The following TET3 variants were observed in gnomAD, a reference collection of about 807,000 sequenced individuals.
The protein encoded by TET3 is methylcytosine dioxygenase TET3.
In TET3, 19 loss-of-function variants were observed where a neutral mutation model predicts 141.4. The ratio of observed to expected loss-of-function variants is 0.13; its 90% CI spans 0.09 to 0.20. TET3 has a LOEUF of 0.20. TET3 is among the 10% of genes least tolerant of loss of function. The pLI is 1.00. For missense variants in TET3, 1,874 were observed against 2,356.9 expected (o/e 0.80, Z 4.24); for synonymous variants, 1,043 against 980.9 (o/e 1.06, Z -1.18).
Position 74,104,739 on chromosome 2 carries a change from A to C in TET3, c.*2563A>C, listed in dbSNP as rs1363306665. 1 of 156,336 alleles carries C rather than the reference A, an allele frequency of 6.4e-6. No homozygotes were observed. Among genetic ancestry groups the C allele is most frequent in the Non-Finnish European group, 1.4e-5 (1 of 71,052 alleles). The allele number at this position is 156,336 out of a possible 1,614,324, so 9.7% of individuals were successfully genotyped here. On this transcript the variant is annotated 3_prime_UTR_variant, in exon 12 of 12. Coordinates refer to ENST00000409262, the MANE Select transcript of TET3 (RefSeq NM_001287491.2). ...CTCATCACCCTTTGGTAGGAAAGCC[A>C]TTAGATGAAAGGAGAAACCAATACA...
At chr2:74,011,665 C>G (rs1021771771) in intron 3 of TET3, among the ~76,000 whole-genome samples, 1 of 152,074 alleles carries the variant, frequency 6.6e-6, no homozygotes, top group African/African-American at 2.4e-5. Context: ...TCGGTGAATC[C>G]AAAAATCCAT....
At position 74,076,787 on chromosome 2, in the gene TET3, A is replaced by G. The variant is rs564319622; in HGVS notation, c.2585+3148A>G. Among the ~76,000 whole-genome samples the G allele has an allele frequency of 2.2e-3, 333 of 152,224 alleles. 1 individual carries two copies. The highest frequency in any genetic ancestry group is 7.5e-3 in the African/African-American group (310 of 41,532). The stretch of plus-strand genomic sequence containing the variant: ...TGTCTCTTTTCCTAGACTCTTCCTC[A>G]ACCCTTTCTCTTCAGGACTGCTCTG... On this transcript the variant is annotated intron_variant, in intron 5 of 11. Transcript: ENST00000409262.
At position 74,043,060 on chromosome 2, in the gene TET3, T is replaced by G. The variant is rs182389413; in HGVS notation, c.361-3218T>G. Among the ~76,000 whole-genome samples the G allele has an allele frequency of 3.6e-3, 546 of 152,312 alleles. 3 individuals carry two copies. The highest frequency in any genetic ancestry group is 0.013 in the African/African-American group (533 of 41,578). On this transcript the variant is annotated intron_variant, in intron 3 of 11. Coordinates refer to ENST00000409262, the MANE Select transcript of TET3 (RefSeq NM_001287491.2). ...TCCCTTTTAGTTGTCTTGACCATTT[T>G]GGGGAAGCCTCCACTCATGTAGCAT...
At chr2:74,083,185 G>A (rs1689930572) in intron 6 of TET3, among the ~76,000 whole-genome samples, 1 of 152,222 alleles carries the variant, frequency 6.6e-6, no homozygotes. Context: ...CTGATCATCT[G>A]TGATTTTAAG....
the TET3 span, among the ~76,000 whole-genome samples, chr2:74,129,735 T>C: frequency 6.6e-6 from 1 of 152,212 alleles, no homozygotes; most frequent in East Asian, 1.9e-4. Flanking sequence ...TTTTTTGTTT[T>C]TATATCTTCC....
the TET3 span, chr2:74,120,914 T>C: frequency 6.6e-6 from 1 of 152,256 alleles, no homozygotes; most frequent in East Asian, 1.9e-4. Flanking sequence ...TTATCTTCTT[T>C]GAGGTCTTGA....
At position 74,103,490 on chromosome 2, in the gene TET3, T is replaced by G. The variant is rs1178996068; in HGVS notation, c.*1314T>G. On this transcript the variant is annotated 3_prime_UTR_variant, in exon 12 of 12. Transcript: ENST00000409262. Reference sequence around the variant, plus strand: ...ACTTAACAATTTTAAAGTGCAAGAGTCAAACATTTTCAACAGGTTGCTATA... The same window carrying G: ...ACTTAACAATTTTAAAGTGCAAGAGGCAAACATTTTCAACAGGTTGCTATA... 6.6e-6 allele frequency: 1 copy of G among 152,136 alleles called. No individual in the cohort carries two copies. The highest frequency in any genetic ancestry group is 1.5e-5 in the Non-Finnish European group (1 of 68,036). 9.4% of individuals were successfully genotyped at this position (152,136 alleles called of 1,614,324 possible).
intron 2 of TET3, chr2:74,002,884 G>A (rs867715464): frequency 1.7e-6 from 1 of 574,464 alleles, no homozygotes; most frequent in Non-Finnish European, 3.1e-6. Flanking sequence ...GATTCTCAGA[G>A]GAGAAATGAA....
rs536620105 is a variant in TET3, at chr2:74,015,996, TTG to T, written c.360+12832_360+12833del. 4.0e-3 allele frequency among the ~76,000 whole-genome samples: 604 copies of T among 152,268 alleles called. 6 individuals carry two copies. Among genetic ancestry groups the T allele is most frequent in the African/African-American group, 0.014 (571 of 41,566 alleles). On this transcript the variant is annotated intron_variant, in intron 3 of 11. Coordinates refer to ENST00000409262, the MANE Select transcript of TET3 (RefSeq NM_001287491.2). Reference sequence around the variant, plus strand: ...CTATTACATCCATATTACTCTTAGATTGTCTTTTTATTGATCCACAAAAGTTC... The same window carrying T: ...CTATTACATCCATATTACTCTTAGATTCTTTTTATTGATCCACAAAAGTTC...
intron 3 of TET3, among the ~76,000 whole-genome samples, chr2:74,027,391 T>G (rs1686432783): frequency 6.6e-6 from 1 of 151,650 alleles, no homozygotes; most frequent in African/African-American, 2.4e-5. Flanking sequence ...TCATATACAG[T>G]TCACCCATTG....
intron 3 of TET3, among the ~76,000 whole-genome samples, chr2:74,017,662 A>G (rs1346899386): frequency 6.6e-6 from 1 of 152,058 alleles, no homozygotes; most frequent in Non-Finnish European, 1.5e-5. Context: ...GGTCGATTCC[A>G]TATCTTGGAT....
chr2:74,120,255 T>C, the TET3 span, among the ~76,000 whole-genome samples: 4 of 150,376 alleles, frequency 2.7e-5, no homozygotes, highest in African/African-American at 7.3e-5. Flanking sequence ...CTTGCCAGGC[T>C]GCAAACTCCG....
In TET3 at chr2:74,048,080, C is replaced by T; in HGVS notation, c.2163C>T (p.Ser721=). Residue 721 remains serine, a synonymous_variant, in exon 4 of 12, where the codon AGC becomes AGT. Coordinates refer to ENST00000409262, the MANE Select transcript of TET3 (RefSeq NM_001287491.2). The part of the protein sequence containing the change: ...IRQFEAEFGD[S]FGLPGPPSVP... ...AGTTTGAGGCTGAATTTGGAGATAGCTTTGGGCTTCCCGGCCCCCCTTCTG... is the reference window on the plus strand; with the variant it reads ...AGTTTGAGGCTGAATTTGGAGATAGTTTTGGGCTTCCCGGCCCCCCTTCTG... 6.2e-6 allele frequency: 10 copies of T among 1,613,486 alleles called. No individual in the cohort carries two copies. The highest frequency in any genetic ancestry group is 7.6e-6 in the Non-Finnish European group (9 of 1,179,668).
At chr2:74,058,434 A>G (rs1688325426) in intron 4 of TET3, among the ~76,000 whole-genome samples, 1 of 152,270 alleles carries the variant, frequency 6.6e-6, no homozygotes, top group Admixed American at 6.5e-5. Flanking sequence ...GTTATAAGTT[A>G]TCATGTCCCA....
Position 73,988,989 on chromosome 2 carries a change from A to AATTTT in TET3, c.303+2283_303+2284insATTTT, listed in dbSNP as rs1558689017. Reference sequence around the variant, plus strand: ...AGTGCCTCTCTCTGAAAAAAAAAAAAGTTTTTTTTGTTTTTTTTTTTTTTT... The same window carrying AATTTT: ...AGTGCCTCTCTCTGAAAAAAAAAAAAATTTTGTTTTTTTTGTTTTTTTTTTTTTTT... On this transcript the variant is annotated intron_variant, in intron 2 of 11. Transcript: ENST00000409262. Among the ~76,000 whole-genome samples the AATTTT allele has an allele frequency of 6.2e-5, 8 of 128,882 alleles. 1 individual carries two copies. The highest frequency in any genetic ancestry group is 2.8e-4 in the African/African-American group (8 of 28,320). The allele number at this position is 128,882 out of a possible 152,430, so 84.6% of individuals were successfully genotyped here. A position where few individuals can be genotyped will look rare whatever the true frequency, so the allele number is the denominator to read the frequency against.
intron 5 of TET3, among the ~76,000 whole-genome samples, chr2:74,074,066 G>A (rs1014085518): frequency 2.0e-5 from 3 of 152,152 alleles, no homozygotes; most frequent in Admixed American, 6.5e-5. Flanking sequence ...TACCTCATAG[G>A]TGGAATTTTT....
chr2:73,986,533 C>T lies in TET3; in HGVS notation c.130C>T (p.Leu44Phe). The change falls in exon 2 of 12, where the codon CTC (leucine) becomes TTC (phenylalanine). Residue 44 changes from leucine (L) to phenylalanine (F), a missense_variant. This residue lies in a region of TET3 where 366 missense variants were observed against 487.0 expected (regional missense o/e 0.75). Transcript: ENST00000409262. ...CTCCATGGCTGGGAGTGAGTCCCAACTCCGAGGGGGTGGAGATGGTCGAAA... is the reference window on the plus strand; with the variant it reads ...CTCCATGGCTGGGAGTGAGTCCCAATTCCGAGGGGGTGGAGATGGTCGAAA... ...GLSMAGSESQ[L>F]RGGGDGRKKR... 1 of 1,232,196 alleles carries T rather than the reference C, an allele frequency of 8.1e-7. No individual in the cohort carries two copies. The highest frequency in any genetic ancestry group is 1.0e-6 in the Non-Finnish European group (1 of 988,054). The allele number at this position is 1,232,196 out of a possible 1,614,324, so 76.3% of individuals were successfully genotyped here.
the TET3 span, among the ~76,000 whole-genome samples, chr2:74,124,341 C>A: frequency 6.6e-6 from 1 of 151,334 alleles, no homozygotes; most frequent in African/African-American, 2.4e-5. Flanking sequence ...GCCAGCCGCC[C>A]CGTCCGGGAG....
At chr2:74,057,147 A>G (rs1573808286) in intron 4 of TET3, among the ~76,000 whole-genome samples, 2 of 152,350 alleles carry the variant, frequency 1.3e-5, no homozygotes, top group East Asian at 1.9e-4. Flanking sequence ...TATTGTACAA[A>G]GAAAAAATAT....
Sources: gnomAD v4.1 joint callset for allele counts (sites outside exome capture counted in the v4.1 genomes callset) on GRCh38, gnomAD v4.1.1 for gene constraint, gnomAD v4.1.1 regional missense constraint, MANE v1.5 for transcripts, NCBI Gene and HGNC (gene_info 2026-07-23, HGNC 2026-07-21) for gene names.